Variants in PAIP1 observed in about 807,000 individuals in gnomAD.
PAIP1 encodes polyadenylate-binding protein-interacting protein 1.
A neutral mutation model predicts 61.3 loss-of-function variants in PAIP1; 16 were observed. That is an observed-to-expected ratio of 0.26 (90% CI 0.18 to 0.40). The LOEUF is 0.40. Among genes scored for constraint, PAIP1 ranks in the 10% least tolerant of loss-of-function variants. The pLI, the probability that PAIP1 is intolerant of heterozygous loss-of-function variation, is 1.00. For synonymous variants in PAIP1, 187 were observed against 226.2 expected (o/e 0.83, Z 1.56); for missense variants, 416 against 600.9 (o/e 0.69, Z 3.22).
At chr5:43,550,118 T>G (rs1425929148) in intron 2 of PAIP1, among the ~76,000 whole-genome samples, 1 of 152,142 alleles carries the variant, frequency 6.6e-6, no homozygotes, top group Non-Finnish European at 1.5e-5. Flanking sequence ...AATAGCAGAT[T>G]CATGTGCCTT....
chr5:43,552,512 G>A (rs34141186), intron 2 of PAIP1, among the ~76,000 whole-genome samples: 3,975 of 152,234 alleles, frequency 0.026, 101 homozygotes, highest in East Asian at 0.13. Context: ...AAGAAAGAAC[G>A]TCACCAACTG....
At chr5:43,531,486 A>G (rs1161599913) in intron 9 of PAIP1, among the ~76,000 whole-genome samples, 1 of 1,776 alleles carries the variant, frequency 5.6e-4, no homozygotes, top group Non-Finnish European at 4.9e-3. Flanking sequence ...TGTCTCAATA[A>G]AAAAAAAAAA....
At chr5:43,547,069 A>AAAAAAG (rs1747666773) in intron 3 of PAIP1, among the ~76,000 whole-genome samples, 1 of 149,054 alleles carries the variant, frequency 6.7e-6, no homozygotes, top group Non-Finnish European at 1.5e-5. Context: ...AAAAAAAAAA[A>AAAAAAG]GCGTTAATAT....
At chr5:43,537,413 A>G (rs1462597708) in intron 5 of PAIP1, among the ~76,000 whole-genome samples, 1 of 152,176 alleles carries the variant, frequency 6.6e-6, no homozygotes, top group Non-Finnish European at 1.5e-5. Flanking sequence ...GAAAATGCTC[A>G]ACAGTATTTA....
chr5:43,526,815 C>G lies in PAIP1; in HGVS notation c.*561G>C, dbSNP rs1279521676. The G allele has an allele frequency of 6.6e-6, 1 of 152,038 alleles. No individual in the cohort carries two copies. The highest frequency in any genetic ancestry group is 1.5e-5 in the Non-Finnish European group (1 of 67,978). 9.4% of individuals were successfully genotyped at this position (152,038 alleles called of 1,614,324 possible). A position where few individuals can be genotyped will look rare whatever the true frequency, so the allele number is the denominator to read the frequency against. ...GAGTTCACCAAGTTGGGTTTTTCCC[C>G]CCCATGACATTTAAAAAGCCCTTGG... On this transcript the variant is annotated 3_prime_UTR_variant, in exon 11 of 11. Coordinates refer to ENST00000306846, the MANE Select transcript of PAIP1 (RefSeq NM_006451.5).
chr5:43,551,831 C>G (rs1747879777), intron 2 of PAIP1, among the ~76,000 whole-genome samples: 1 of 149,728 alleles, frequency 6.7e-6, no homozygotes, highest in Non-Finnish European at 1.5e-5. Context: ...TAGAACTGCT[C>G]TGAATATAGC....
At chr5:43,542,575 T>A (rs1276050236) in intron 4 of PAIP1, among the ~76,000 whole-genome samples, 1 of 149,516 alleles carries the variant, frequency 6.7e-6, no homozygotes, top group Non-Finnish European at 1.5e-5. Flanking sequence ...ATTGTATGAA[T>A]TGTATGGTAA....
In PAIP1 at chr5:43,534,909, G is replaced by A; in HGVS notation, c.1141C>T (p.His381Tyr). The change falls in exon 8 of 11, where the codon CAT (histidine) becomes TAT (tyrosine). Residue 381 changes from histidine to tyrosine, a missense_variant. By Grantham distance (83) the His-to-Tyr change is moderately conservative. This residue lies in a region of PAIP1 where 135 missense variants were observed against 283.9 expected (regional missense o/e 0.48). Transcript: ENST00000306846. ...GCTTCTCTATATGTTGAAGTTGCAT[G>A]GACTCTGCCCCAGTTACTTGACCGG... ...ELRSSNWGRV[H>Y]ATSTYREATP... 1 of 1,609,568 alleles carries A rather than the reference G, an allele frequency of 6.2e-7. No individual in the cohort carries two copies. Among genetic ancestry groups the A allele is most frequent in the Non-Finnish European group, 8.5e-7 (1 of 1,176,108 alleles).
chr5:43,548,720 T>G (rs1747740428), intron 2 of PAIP1, among the ~76,000 whole-genome samples: 1 of 152,186 alleles, frequency 6.6e-6, no homozygotes, highest in Admixed American at 6.5e-5. Context: ...CCGAAGCGCT[T>G]TAAAGTTTAC....
intron 2 of PAIP1, among the ~76,000 whole-genome samples, chr5:43,552,754 G>T (rs1747912530): frequency 6.6e-6 from 1 of 152,168 alleles, no homozygotes; most frequent in Non-Finnish European, 1.5e-5. Flanking sequence ...TTAAAACAAT[G>T]GGAGGGAGCT....
At chr5:43,532,161 C>T (rs1049713965) in intron 9 of PAIP1, among the ~76,000 whole-genome samples, 5 of 151,780 alleles carry the variant, frequency 3.3e-5, no homozygotes, top group Admixed American at 1.3e-4. Context: ...TTCTGTAAAT[C>T]GAACAGTACT....
rs1728262477 is a variant in PAIP1 at position 43,556,815 on chromosome 5, GCAC to G, written c.29_31del (p.Gly10del). 1 of 1,453,718 alleles carries G rather than the reference GCAC, an allele frequency of 6.9e-7. No individual in the cohort carries two copies. Among genetic ancestry groups the G allele is most frequent in the African/African-American group, 1.5e-5 (1 of 67,222 alleles). The allele number at this position is 1,453,718 out of a possible 1,614,324, so 90.1% of individuals were successfully genotyped here. The stretch of plus-strand genomic sequence containing the variant: ...CAGGCCCCGGCTCCGGCCCCGACCA[GCAC>G]CTGGGGCCCGATCGAAACCGTCCGA... On this transcript the variant is annotated inframe_deletion, in exon 1 of 11. Coordinates refer to ENST00000306846, the MANE Select transcript of PAIP1 (RefSeq NM_006451.5).
At chr5:43,554,494 T>C (rs1747987979) in intron 2 of PAIP1, among the ~76,000 whole-genome samples, 1 of 152,184 alleles carries the variant, frequency 6.6e-6, no homozygotes, top group African/African-American at 2.4e-5. Context: ...CCCAAAGCTT[T>C]TTCCTATACA....
chr5:43,529,750 G>C (rs762688537), intron 10 of PAIP1, 36 bp downstream of exon 10: 1 of 1,067,610 alleles, frequency 9.4e-7, no homozygotes. Flanking sequence ...ATTAGACACA[G>C]AAATTTCACG....
intron 2 of PAIP1, among the ~76,000 whole-genome samples, chr5:43,551,443 G>A (rs1747863632): frequency 6.6e-6 from 1 of 152,202 alleles, no homozygotes; most frequent in African/African-American, 2.4e-5. Context: ...CCTCTAGAGT[G>A]AGAAAATGTT....
chr5:43,532,772 C>A (rs1419431241), intron 9 of PAIP1, among the ~76,000 whole-genome samples: 2 of 152,092 alleles, frequency 1.3e-5, no homozygotes, highest in Non-Finnish European at 1.5e-5. Context: ...GTAAGACAGA[C>A]AAATGATCCA....
intron 4 of PAIP1, among the ~76,000 whole-genome samples, chr5:43,541,499 C>G (rs1381781893): frequency 6.7e-6 from 1 of 149,620 alleles, no homozygotes; most frequent in Non-Finnish European, 1.5e-5. Flanking sequence ...GATTTCAGCA[C>G]AGAGAGTGAG....
chr5:43,557,159 G>A (rs1305800874), upstream of PAIP1: 3 of 281,606 alleles, frequency 1.1e-5, no homozygotes, highest in African/African-American at 6.7e-5. Context: ...CGGCCCGGAG[G>A]CCCGGGACGC....
intron 2 of PAIP1, among the ~76,000 whole-genome samples, chr5:43,549,015 A>T (rs998652243): frequency 1.3e-5 from 2 of 152,080 alleles, no homozygotes; most frequent in East Asian, 3.9e-4. Context: ...ATCTTGGCTC[A>T]CTGCAACCTC....
Sources: gnomAD v4.1 joint callset for allele counts (sites outside exome capture counted in the v4.1 genomes callset) on GRCh38, gnomAD v4.1.1 for gene constraint, gnomAD v4.1.1 regional missense constraint, MANE v1.5 for transcripts, NCBI Gene and HGNC (gene_info 2026-07-23, HGNC 2026-07-21) for gene names.